FLVCR1: variants seen among roughly 807,000 people sequenced by gnomAD.
The protein encoded by FLVCR1 is FLVCR choline and heme transporter 1.
A neutral mutation model predicts 53.6 loss-of-function variants in FLVCR1; 34 were observed. The ratio of observed to expected loss-of-function variants is 0.63; its 90% CI spans 0.48 to 0.84. FLVCR1 has a LOEUF of 0.84. Among genes scored for constraint, FLVCR1 ranks in the 40% least tolerant of loss-of-function variants. The pLI is 0.00. For synonymous variants in FLVCR1, 300 were observed against 286.3 expected (o/e 1.05, Z -0.48); for missense variants, 677 against 696.7 (o/e 0.97, Z 0.32).
At chr1:212,862,317 G>A (rs1162148747) in intron 1 of FLVCR1, among the ~76,000 whole-genome samples, 1 of 152,136 alleles carries the variant, frequency 6.6e-6, no homozygotes. Context: ...CTACTAAACA[G>A]TCACTTCCCC....
At position 212,895,482 on chromosome 1, in the gene FLVCR1, A is replaced by C; in HGVS notation, c.*192A>C. On this transcript the variant is annotated 3_prime_UTR_variant, in exon 10 of 10. Transcript: ENST00000366971. ...TTAAATTAAGGGAAATTTTCTTAAAATTCTTCTGTTTACATCATGTTAACA... is the reference window on the plus strand; with the variant it reads ...TTAAATTAAGGGAAATTTTCTTAAACTTCTTCTGTTTACATCATGTTAACA... The C allele has an allele frequency of 1.6e-6, 1 of 613,108 alleles. No individual in the cohort carries two copies. Among genetic ancestry groups the C allele is most frequent in the Non-Finnish European group, 2.9e-6 (1 of 341,194 alleles). 38.0% of individuals were successfully genotyped at this position (613,108 alleles called of 1,614,324 possible).
chr1:212,858,820 T>G lies in FLVCR1; in HGVS notation c.368T>G (p.Phe123Cys), dbSNP rs1184103872. ...IFSLYSLVNA[F>C]QWIQYSIISN... ...AGCCTGTACTCGCTGGTCAACGCCT[T>G]TCAGTGGATCCAGTACAGCATCATT... Residue 123 changes from phenylalanine (F) to cysteine (C), a missense_variant, in exon 1 of 10, where the codon TTT becomes TGT. Physicochemically the swap from Phe to Cys is radical, Grantham distance 205. Transcript: ENST00000366971. 1 of 1,614,194 alleles carries G rather than the reference T, an allele frequency of 6.2e-7. No individual in the cohort carries two copies.
rs749068823 is a variant in FLVCR1, at chr1:212,859,183, G to T, written c.731G>T (p.Gly244Val). Residue 244 changes from glycine (G) to valine (V), a missense_variant, in exon 1 of 10, where the codon GGC (glycine) becomes GTC (valine). Transcript: ENST00000366971. ...VSTACATAVL[G>V]NQLGTAVGFL... ...ACAGCTTGTGCCACCGCCGTGCTGG[G>T]CAATCAGGTAAGTACTGGAGTGGTA... 3 of 1,614,036 alleles carry T rather than the reference G, an allele frequency of 1.9e-6. No homozygotes were observed. Among genetic ancestry groups the T allele is most frequent in the African/African-American group, 1.3e-5 (1 of 75,032 alleles).
In FLVCR1 at chr1:212,895,337, T is replaced by A; in HGVS notation, c.*47T>A. 1.4e-6 allele frequency: 2 copies of A among 1,406,306 alleles called. No homozygotes were observed. The highest frequency in any genetic ancestry group is 2.0e-6 in the Non-Finnish European group (2 of 989,838). 87.1% of individuals were successfully genotyped at this position (1,406,306 alleles called of 1,614,324 possible). On this transcript the variant is annotated 3_prime_UTR_variant, in exon 10 of 10. Coordinates refer to ENST00000366971, the MANE Select transcript of FLVCR1 (RefSeq NM_014053.4). ...CCTGTAGTAATTGGGGACAATGTGA[T>A]CATCCTTGGAGAGAGATGTGAGCAC...
Position 212,889,221 on chromosome 1 carries a change from C to T in FLVCR1, c.1489C>T (p.Leu497Phe), listed in dbSNP as rs1387000407. The T allele has an allele frequency of 8.7e-6, 14 of 1,613,738 alleles. No homozygotes were observed. Among genetic ancestry groups the T allele is most frequent in the East Asian group, 2.2e-5 (1 of 44,860 alleles). ...DYGPKAGNIFLCVWMFIGIIL... is the reference protein window; with the variant it reads ...DYGPKAGNIFFCVWMFIGIIL... The stretch of plus-strand genomic sequence containing the variant: ...TGGTCCTAAGGCAGGGAACATTTTT[C>T]TCTGTGTCTGGATGTTTATAGGCAT... The change falls in exon 8 of 10, where the codon CTC becomes TTC. Residue 497 changes from leucine (L) to phenylalanine (F), a missense_variant. Coordinates refer to ENST00000366971, the MANE Select transcript of FLVCR1 (RefSeq NM_014053.4).
chr1:212,880,897 G>A (rs1255965703), intron 3 of FLVCR1, among the ~76,000 whole-genome samples: 3 of 151,906 alleles, frequency 2.0e-5, no homozygotes, highest in Non-Finnish European at 4.4e-5. Flanking sequence ...TGAATTGACA[G>A]CTAGTTTCTG....
At chr1:212,864,203 C>G (rs1487055759) in intron 2 of FLVCR1, among the ~76,000 whole-genome samples, 1 of 152,200 alleles carries the variant, frequency 6.6e-6, no homozygotes, top group East Asian at 1.9e-4. Flanking sequence ...GCCTACCTAG[C>G]CAGGAACAAG....
intron 3 of FLVCR1, among the ~76,000 whole-genome samples, chr1:212,874,526 C>CTTTTTTTTT (rs61497441): frequency 1.4e-3 from 168 of 120,856 alleles, no homozygotes; most frequent in African/African-American, 3.3e-3. Flanking sequence ...TTCTTTTTTT[C>CTTTTTTTTT]TTTTTTTTTT....
intron 1 of FLVCR1, among the ~76,000 whole-genome samples, chr1:212,861,062 CT>C (rs1211638789): frequency 2.6e-5 from 4 of 152,186 alleles, no homozygotes; most frequent in African/African-American, 9.7e-5. Flanking sequence ...TCCTTACCCC[CT>C]GCAGTGGCTT....
chr1:212,865,263 A>G (rs1664373888), intron 2 of FLVCR1, among the ~76,000 whole-genome samples: 1 of 149,632 alleles, frequency 6.7e-6, no homozygotes, highest in Non-Finnish European at 1.5e-5. Context: ...ATATCTCCTA[A>G]TGCTATCCCT....
chr1:212,858,426 G>A lies in FLVCR1; in HGVS notation c.-27G>A. ...CGGAGTCGGGGAGTGGGGCGGGGGA[G>A]CGAGGTGGCGCCGGGGAGCCTGGGA... On this transcript the variant is annotated 5_prime_UTR_variant, in exon 1 of 10. Transcript: ENST00000366971. 1.4e-6 allele frequency: 2 copies of A among 1,430,148 alleles called. No individual in the cohort carries two copies. The highest frequency in any genetic ancestry group is 1.8e-6 in the Non-Finnish European group (2 of 1,096,566). The allele number at this position is 1,430,148 out of a possible 1,614,324, so 88.6% of individuals were successfully genotyped here. A position where few individuals can be genotyped will look rare whatever the true frequency, so the allele number is the denominator to read the frequency against.
Position 212,858,531 on chromosome 1 carries a change from AG to A in FLVCR1, c.83del (p.Gly28AlafsTer22), listed in dbSNP as rs35119480. 6.8e-7 allele frequency: 1 copy of A among 1,460,842 alleles called. No individual in the cohort carries two copies. The allele number at this position is 1,460,842 out of a possible 1,614,324, so 90.5% of individuals were successfully genotyped here. On this transcript the variant is annotated frameshift_variant, in exon 1 of 10. Transcript: ENST00000366971. LOFTEE classifies it high-confidence loss of function. The stretch of plus-strand genomic sequence containing the variant: ...CGCGAAAGGATACCTCCCGTTGCCG[AG>A]GGGCGCGCCCGTTGGGAAGGAGAGC... ...PLAKGYLPLP[R>X]GAPVGKESVE...
At chr1:212,862,203 ATG>A (rs1213175217) in intron 1 of FLVCR1, among the ~76,000 whole-genome samples, 1 of 152,196 alleles carries the variant, frequency 6.6e-6, no homozygotes, top group African/African-American at 2.4e-5. Context: ...AACCATTTTA[ATG>A]TGTACAATTC....
At chr1:212,884,240 G>A (rs41300029) in intron 4 of FLVCR1, among the ~76,000 whole-genome samples, 67 of 151,874 alleles carry the variant, frequency 4.4e-4, no homozygotes, top group Non-Finnish European at 8.1e-4. Context: ...TGGAGGTGGC[G>A]GTGAGCCGAG....
chr1:212,884,414 C>T (rs1220423214), intron 4 of FLVCR1, among the ~76,000 whole-genome samples: 2 of 152,008 alleles, frequency 1.3e-5, no homozygotes, highest in African/African-American at 4.8e-5. Flanking sequence ...CGAAACAAAA[C>T]AAAATACACA....
chr1:212,858,477 G>C lies in FLVCR1; in HGVS notation c.25G>C (p.Gly9Arg). Residue 9 changes from glycine (G) to arginine (R), a missense_variant, in exon 1 of 10, where the codon GGG (glycine) becomes CGG (arginine). Physicochemically the swap from Gly to Arg is moderately radical, Grantham distance 125. Coordinates refer to ENST00000366971, the MANE Select transcript of FLVCR1 (RefSeq NM_014053.4). ...TATGGCGCGGCCAGACGATGAGGAGGGGGCGGCGGTGGCGCCCGGACACCC... is the reference window on the plus strand; with the variant it reads ...TATGGCGCGGCCAGACGATGAGGAGCGGGCGGCGGTGGCGCCCGGACACCC... The part of the protein sequence containing the change: MARPDDEE[G>R]AAVAPGHPLA... The C allele has an allele frequency of 6.9e-7, 1 of 1,442,352 alleles. No individual in the cohort carries two copies. The highest frequency in any genetic ancestry group is 2.5e-5 in the East Asian group (1 of 39,920). 89.3% of individuals were successfully genotyped at this position (1,442,352 alleles called of 1,614,324 possible).
At chr1:212,874,856 T>C (rs1321092995) in intron 3 of FLVCR1, among the ~76,000 whole-genome samples, 2 of 149,860 alleles carry the variant, frequency 1.3e-5, no homozygotes, top group Non-Finnish European at 3.0e-5. Context: ...CTTTTATCAC[T>C]CACTTTCCCA....
At chr1:212,876,796 C>A (rs1664765554) in intron 3 of FLVCR1, among the ~76,000 whole-genome samples, 1 of 152,188 alleles carries the variant, frequency 6.6e-6, no homozygotes. Context: ...CTGCAGTGAA[C>A]ATACACTTGC....
chr1:212,862,952 C>T lies in FLVCR1; in HGVS notation c.739-773C>T, dbSNP rs1333894096. 2.6e-5 allele frequency among the ~76,000 whole-genome samples: 4 copies of T among 152,130 alleles called. 1 individual carries two copies. Among genetic ancestry groups the T allele is most frequent in the Admixed American group, 1.3e-4 (2 of 15,268 alleles). ...AAATGCTTATTGACCATTTGTATAT[C>T]TTCTTTGGAGAAATGTCTATTCAAG... is the stretch of plus-strand genomic sequence containing the variant. On this transcript the variant is annotated intron_variant, in intron 1 of 9. Coordinates refer to ENST00000366971, the MANE Select transcript of FLVCR1 (RefSeq NM_014053.4).
Sources: allele counts gnomAD v4.1 joint callset (sites outside exome capture counted in the v4.1 genomes callset), GRCh38; gene constraint gnomAD v4.1.1; transcripts MANE v1.5; gene names NCBI Gene and HGNC (gene_info 2026-07-23, HGNC 2026-07-21).